The following RTKN variants were observed in gnomAD, a reference collection of about 807,000 sequenced individuals.
RTKN encodes rhotekin.
RTKN carries 49 observed loss-of-function variants against 63.5 expected under a neutral mutation model. That is an observed-to-expected ratio of 0.77 (90% CI 0.61 to 0.98). The LOEUF is 0.98. Ranked by LOEUF, RTKN falls within the 50% of genes least tolerant of loss-of-function variation. The pLI, the probability that RTKN is intolerant of heterozygous loss-of-function variation, is 0.00. For synonymous variants in RTKN, 295 were observed against 290.4 expected, an observed-to-expected ratio of 1.02 and a Z score of -0.16; for missense variants, 685 against 740.8, an observed-to-expected ratio of 0.92 and a Z score of 0.87.
At chr2:74,433,789 G>A (rs554969332) in intron 1 of RTKN, among the ~76,000 whole-genome samples, 6 of 152,182 alleles carry the variant, frequency 3.9e-5, no homozygotes, top group Admixed American at 1.3e-4. Flanking sequence ...CACCGCGCCC[G>A]GCCTCATTGT....
At position 74,430,145 on chromosome 2, in the gene RTKN, C is replaced by T. The variant is rs142460824; in HGVS notation, c.545+107G>A. 2,335 of 1,484,414 alleles carry T rather than the reference C, an allele frequency of 1.6e-3. 4 individuals carry two copies. The highest frequency in any genetic ancestry group is 1.6e-3 in the Non-Finnish European group (1,739 of 1,070,840). The allele number at this position is 1,484,414 out of a possible 1,614,324, so 92.0% of individuals were successfully genotyped here. On this transcript the variant is annotated intron_variant, in intron 5 of 11. Coordinates refer to ENST00000272430, the MANE Select transcript of RTKN (RefSeq NM_001015055.2). ...ACAGCTCCACAGAGAAGGCCAGGTG[C>T]CCCTCCTCTCCACCCTGCCCCCATC...
chr2:74,439,525 G>A (rs756155378), intron 1 of RTKN: 50 of 1,612,402 alleles, frequency 3.1e-5, no homozygotes, highest in Non-Finnish European at 4.2e-5. Context: ...TGAAGGAGGT[G>A]TGTACTCCAA....
At position 74,427,269 on chromosome 2, in the gene RTKN, T is replaced by C. The variant is rs758277869; in HGVS notation, c.1260A>G (p.Gln420=). 66 of 1,613,896 alleles carry C rather than the reference T, an allele frequency of 4.1e-5. No homozygotes were observed. The highest frequency in any genetic ancestry group is 1.1e-4 in the South Asian group (10 of 91,080). ...ALWQLFFDMS[Q]WKQCCDEIMK... Reference sequence around the variant, plus strand: ...TGATTTCATCACAGCACTGCTTCCATTGGCCTGGAAGAAGAGCGCTGATTA... The same window carrying C: ...TGATTTCATCACAGCACTGCTTCCACTGGCCTGGAAGAAGAGCGCTGATTA... Residue 420 remains glutamine (Q), a synonymous_variant, in exon 11 of 12, where the codon CAA becomes CAG. Transcript: ENST00000272430.
intron 1 of RTKN, among the ~76,000 whole-genome samples, chr2:74,434,166 G>A (rs1670926445): frequency 6.6e-6 from 1 of 151,548 alleles, no homozygotes; most frequent in Non-Finnish European, 1.5e-5. Flanking sequence ...ACAGTGGCGC[G>A]ATCTCAGCTC....
At chr2:74,439,910 G>A (rs1221409552) in intron 1 of RTKN, 14 of 1,249,880 alleles carry the variant, frequency 1.1e-5, no homozygotes, top group Non-Finnish European at 1.4e-5. Flanking sequence ...CAGGAGGAAA[G>A]GCCAGCTGCA....
chr2:74,439,955 T>C, intron 1 of RTKN: 1 of 1,127,872 alleles, frequency 8.9e-7, no homozygotes, highest in Non-Finnish European at 1.1e-6. Context: ...CCAGTCTCGC[T>C]TTGGTGGCAG....
chr2:74,441,413 G>C (rs1327353437), intron 1 of RTKN, among the ~76,000 whole-genome samples: 1 of 152,212 alleles, frequency 6.6e-6, no homozygotes, highest in Non-Finnish European at 1.5e-5. Flanking sequence ...AGACATTTTG[G>C]GGTTCAGGCA....
intron 1 of RTKN, chr2:74,439,629 G>T: frequency 6.2e-7 from 1 of 1,613,890 alleles, no homozygotes; most frequent in Non-Finnish European, 8.5e-7. Context: ...GCATCTCTGT[G>T]CCCCCCGGTG....
At chr2:74,428,018 C>A in intron 9 of RTKN, 3 of 555,078 alleles carry the variant, frequency 5.4e-6, no homozygotes, top group South Asian at 2.3e-5. Flanking sequence ...GATGAAAAGC[C>A]CTGAACCTGC....
chr2:74,428,826 C>T lies in RTKN; in HGVS notation c.850+22G>A, dbSNP rs778014612. On this transcript the variant is annotated intron_variant, in intron 7 of 11. Transcript: ENST00000272430. ...CTTCTCACCATCACATGTGTATGTC[C>T]CCCATGCACACACATACTTACCATG... 2.5e-6 allele frequency: 4 copies of T among 1,600,934 alleles called. No individual in the cohort carries two copies. In the Admixed American group the frequency reaches 6.7e-5, roughly 27 times the overall value.
At position 74,426,129 on chromosome 2, in the gene RTKN, G is replaced by A; in HGVS notation, c.*114C>T. The A allele has an allele frequency of 1.1e-6, 1 of 933,428 alleles. No homozygotes were observed. 57.8% of individuals were successfully genotyped at this position (933,428 alleles called of 1,614,324 possible). ...CCTGCAGCCTACCCCAGGTCCAGCA[G>A]AGGAACAGGAGGCCAGACTGGCCAA... is the stretch of plus-strand genomic sequence containing the variant. On this transcript the variant is annotated 3_prime_UTR_variant, in exon 12 of 12. Transcript: ENST00000272430.
In RTKN at chr2:74,430,659, C is replaced by T. The variant is rs748910916; in HGVS notation, c.330G>A (p.Pro110=). 9.3e-6 allele frequency: 15 copies of T among 1,612,652 alleles called. No homozygotes were observed. The highest frequency in any genetic ancestry group is 2.7e-5 in the African/African-American group (2 of 74,878). Residue 110 remains proline (P), a synonymous_variant, in exon 3 of 12, where the codon CCG becomes CCA. Transcript: ENST00000272430. ...KTSRRPSDSG[P]PAERSPCRGR... ...CGCGGCAGGGGGAGCGCTCAGCGGG[C>T]GGGCCACTGTCAGAAGGCCTGTGGA...
intron 1 of RTKN, among the ~76,000 whole-genome samples, 155 bp downstream of exon 1, chr2:74,441,551 C>T (rs903369167): frequency 6.6e-6 from 1 of 152,258 alleles, no homozygotes; most frequent in East Asian, 1.9e-4. Flanking sequence ...AGACCGTCCA[C>T]ACCTTACTTT....
Position 74,429,791 on chromosome 2 carries a change from A to G in RTKN, c.755+37T>C, listed in dbSNP as rs759976848. 6.3e-6 allele frequency: 10 copies of G among 1,584,206 alleles called. No individual in the cohort carries two copies. The African/African-American group carries it at 1.3e-4, about 21-fold the overall frequency. ...CAAAGGTCACCTGTGGGCAGAATAC[A>G]GGCAGCTGAGGGTGGTGTCGGTGTG... On this transcript the variant is annotated intron_variant, in intron 6 of 11. Transcript: ENST00000272430.
chr2:74,441,127 C>T (rs1002888033), intron 1 of RTKN, among the ~76,000 whole-genome samples: 6 of 152,260 alleles, frequency 3.9e-5, no homozygotes, highest in Non-Finnish European at 7.3e-5. Flanking sequence ...CTGGACTCCT[C>T]TTAGGCCCCA....
intron 1 of RTKN, among the ~76,000 whole-genome samples, chr2:74,434,665 C>A (rs1324903818): frequency 6.6e-6 from 1 of 152,226 alleles, no homozygotes; most frequent in Non-Finnish European, 1.5e-5. Context: ...ATCCTCCCAC[C>A]TCGGCCTCCC....
At chr2:74,433,670 T>C (rs1364124024) in intron 1 of RTKN, among the ~76,000 whole-genome samples, 1 of 152,124 alleles carries the variant, frequency 6.6e-6, no homozygotes, top group Admixed American at 6.5e-5. Flanking sequence ...TTTTTTTGTA[T>C]TTTTAGTAGA....
intron 2 of RTKN, chr2:74,430,902 TA>T: frequency 1.8e-6 from 1 of 568,928 alleles, no homozygotes; most frequent in South Asian, 2.2e-5. Flanking sequence ...AACTCACACA[TA>T]AGGCACAAGC....
chr2:74,427,722 T>C, intron 9 of RTKN, 130 bp from the exon 10 acceptor site: 1 of 981,466 alleles, frequency 1.0e-6, no homozygotes, highest in South Asian at 1.6e-5. Flanking sequence ...TGCCTCCTAC[T>C]GACCAGAGTA....
Sources: gnomAD v4.1 joint callset for allele counts (sites outside exome capture counted in the v4.1 genomes callset) on GRCh38, gnomAD v4.1.1 for gene constraint, MANE v1.5 for transcripts, NCBI Gene and HGNC (gene_info 2026-07-23, HGNC 2026-07-21) for gene names.